HEMK2: variants seen among roughly 807,000 people sequenced by gnomAD.
The protein encoded by HEMK2 is methyltransferase HEMK2.
the HEMK2 span, among the ~76,000 whole-genome samples, chr21:28,583,051 A>T: frequency 3.9e-5 from 6 of 152,180 alleles, 1 homozygote; most frequent in Admixed American, 3.3e-4. Context: ...TTATTGGAAA[A>T]ACAGTATCAA....
At chr21:28,685,063 G>T in the HEMK2 span, among the ~76,000 whole-genome samples, 1 of 152,076 alleles carries the variant, frequency 6.6e-6, no homozygotes, top group Non-Finnish European at 1.5e-5. Context: ...TTGGGAGGGG[G>T]CAGGTATTAG....
chr21:28,618,507 T>G, the HEMK2 span, among the ~76,000 whole-genome samples: 1 of 152,242 alleles, frequency 6.6e-6, no homozygotes, highest in Non-Finnish European at 1.5e-5. Context: ...GGAAATTTTA[T>G]TTTGAATTGA....
chr21:28,657,144 T>C, the HEMK2 span, among the ~76,000 whole-genome samples: 1 of 152,078 alleles, frequency 6.6e-6, no homozygotes, highest in Non-Finnish European at 1.5e-5. Flanking sequence ...TTTTCTATTG[T>C]AAAAACTTCC....
At chr21:28,679,076 T>G in the HEMK2 span, among the ~76,000 whole-genome samples, 1 of 152,068 alleles carries the variant, frequency 6.6e-6, no homozygotes, top group Admixed American at 6.5e-5. Context: ...GGCTAAATGC[T>G]CCAATTAAAA....
the HEMK2 span, among the ~76,000 whole-genome samples, chr21:28,838,976 T>TATAC: frequency 3.4e-5 from 1 of 29,514 alleles, no homozygotes; most frequent in African/African-American, 1.9e-4. Flanking sequence ...AAAAAAAATA[T>TATAC]ATATATATAT....
At chr21:28,588,961 C>G in the HEMK2 span, among the ~76,000 whole-genome samples, 1 of 131,794 alleles carries the variant, frequency 7.6e-6, no homozygotes, top group South Asian at 2.4e-4. Context: ...CCAGCCTGGG[C>G]AACAGAGAGA....
At chr21:28,592,814 T>C in the HEMK2 span, among the ~76,000 whole-genome samples, 9 of 152,202 alleles carry the variant, frequency 5.9e-5, no homozygotes, top group Non-Finnish European at 1.0e-4. Flanking sequence ...TATTCTTGGG[T>C]TTGATTTTAC....
the HEMK2 span, among the ~76,000 whole-genome samples, chr21:28,732,037 A>C: frequency 4.6e-5 from 7 of 152,344 alleles, no homozygotes; most frequent in Non-Finnish European, 1.0e-4. Context: ...TGAACTTGAG[A>C]CAAGATACTT....
the HEMK2 span, among the ~76,000 whole-genome samples, chr21:28,828,119 T>C: frequency 4.6e-5 from 7 of 152,178 alleles, no homozygotes; most frequent in Non-Finnish European, 7.3e-5. Context: ...TGCATGTTCA[T>C]ACATTTTCTT....
At chr21:28,741,730 T>A in the HEMK2 span, among the ~76,000 whole-genome samples, 341 of 152,334 alleles carry the variant, frequency 2.2e-3, 2 homozygotes, top group African/African-American at 7.7e-3. Flanking sequence ...AAGGACATGA[T>A]CTCATTCCTT....
the HEMK2 span, among the ~76,000 whole-genome samples, chr21:28,579,579 T>C: frequency 3.3e-5 from 5 of 152,156 alleles, no homozygotes; most frequent in Non-Finnish European, 5.9e-5. Context: ...TATTTTTTAA[T>C]GTTTTTATTA....
the HEMK2 span, among the ~76,000 whole-genome samples, chr21:28,810,432 G>C: frequency 6.6e-6 from 1 of 152,182 alleles, no homozygotes; most frequent in Admixed American, 6.5e-5. Context: ...TAGTACCAGA[G>C]GGGCTGACTC....
chr21:28,578,526 C>T, the HEMK2 span, among the ~76,000 whole-genome samples: 1 of 152,142 alleles, frequency 6.6e-6, no homozygotes, highest in Non-Finnish European at 1.5e-5. Flanking sequence ...CGGGGTTTCA[C>T]TGGGGAACAG....
chr21:28,718,795 C>T, the HEMK2 span, among the ~76,000 whole-genome samples: 2 of 151,878 alleles, frequency 1.3e-5, no homozygotes, highest in East Asian at 3.9e-4. Flanking sequence ...AATTGTTTAA[C>T]AAAAGAGATA....
the HEMK2 span, chr21:28,873,181 GTGA>G: frequency 6.6e-6 from 1 of 152,186 alleles, no homozygotes; most frequent in African/African-American, 2.4e-5. Context: ...AAGTCTTCAT[GTGA>G]TGTTTACTCT....
the HEMK2 span, among the ~76,000 whole-genome samples, chr21:28,815,108 T>G: frequency 6.6e-6 from 1 of 151,852 alleles, no homozygotes; most frequent in African/African-American, 2.4e-5. Context: ...GAAACCATCA[T>G]TCTCAGCAAA....
At chr21:28,855,427 C>T in the HEMK2 span, among the ~76,000 whole-genome samples, 1 of 152,168 alleles carries the variant, frequency 6.6e-6, no homozygotes, top group Non-Finnish European at 1.5e-5. Flanking sequence ...CTTCTATACC[C>T]TACCGACAGT....
the HEMK2 span, among the ~76,000 whole-genome samples, chr21:28,880,416 T>A: frequency 2.6e-5 from 4 of 152,208 alleles, no homozygotes; most frequent in East Asian, 7.7e-4. Flanking sequence ...AACACTTACT[T>A]ATACTAATTA....
At chr21:28,673,168 G>A in the HEMK2 span, among the ~76,000 whole-genome samples, 4 of 150,106 alleles carry the variant, frequency 2.7e-5, no homozygotes, top group African/African-American at 9.8e-5. Flanking sequence ...AGGAAGGGAG[G>A]GAGAGAGGGA....
Sources: allele counts gnomAD v4.1 joint callset (sites outside exome capture counted in the v4.1 genomes callset), GRCh38; gene constraint gnomAD v4.1.1; transcripts MANE v1.5; gene names NCBI Gene and HGNC (gene_info 2026-07-23, HGNC 2026-07-21).